Variants in NAA35 observed in about 807,000 individuals in gnomAD.
NAA35 encodes the protein N-alpha-acetyltransferase 35, NatC auxiliary subunit.
In NAA35, 18 loss-of-function variants were observed where a neutral mutation model predicts 101.7. That is an observed-to-expected ratio of 0.18 (90% CI 0.12 to 0.26). The LOEUF is 0.26. Among genes scored for constraint, NAA35 ranks in the 10% least tolerant of loss-of-function variants. The probability of loss-of-function intolerance (pLI) is 1.00; values close to 1 mark genes in which losing one functional copy is unlikely to be tolerated. For missense variants in NAA35, 601 were observed against 886.8 expected, an observed-to-expected ratio of 0.68 and a Z score of 4.09; for synonymous variants, 267 against 273.1, an observed-to-expected ratio of 0.98 and a Z score of 0.22.
intron 11 of NAA35, among the ~76,000 whole-genome samples, chr9:85,985,793 T>C (rs915281968): frequency 1.3e-5 from 2 of 152,182 alleles, no homozygotes; most frequent in African/African-American, 4.8e-5. Context: ...ACTAGAGAAA[T>C]GATTTCAGAC....
In NAA35 at chr9:85,955,000, C is replaced by G. The variant is rs372969293; in HGVS notation, c.125-1360C>G. Among the ~76,000 whole-genome samples the G allele has an allele frequency of 1.3e-3, 192 of 152,122 alleles. 4 individuals carry two copies. In the South Asian group the frequency reaches 0.034, roughly 27 times the overall value. On this transcript the variant is annotated intron_variant, in intron 2 of 22. Coordinates refer to ENST00000361671, the MANE Select transcript of NAA35 (RefSeq NM_024635.4). ...TGGCACAATCTCGGCTCACTGCAACCTCTGCCTCCCGGGTTTAAGTGATTC... is the reference window on the plus strand; with the variant it reads ...TGGCACAATCTCGGCTCACTGCAACGTCTGCCTCCCGGGTTTAAGTGATTC...
chr9:85,941,905 C>A (rs942028514), intron 1 of NAA35: 3 of 1,196,326 alleles, frequency 2.5e-6, no homozygotes, highest in Non-Finnish European at 2.1e-6. Context: ...TCTTCTTAAA[C>A]AGTAGGAAGG....
In NAA35 at chr9:86,007,038, A is replaced by G. The variant is rs181761065; in HGVS notation, c.1117-320A>G. 1.5e-3 allele frequency among the ~76,000 whole-genome samples: 226 copies of G among 152,326 alleles called. 2 individuals are homozygous for G. The highest frequency in any genetic ancestry group is 5.2e-3 in the African/African-American group (217 of 41,580). On this transcript the variant is annotated intron_variant, in intron 13 of 22. Coordinates refer to ENST00000361671, the MANE Select transcript of NAA35 (RefSeq NM_024635.4). ...CAAATAACATGTATAGCCATTTACT[A>G]TTTCATAGTTTATGAAGCATTTTTT...
In NAA35 at chr9:85,978,376, A is replaced by G; in HGVS notation, c.872A>G (p.Lys291Arg). The G allele has an allele frequency of 1.3e-6, 2 of 1,588,846 alleles. No homozygotes were observed. Among genetic ancestry groups the G allele is most frequent in the Non-Finnish European group, 1.7e-6 (2 of 1,157,248 alleles). The part of the protein sequence containing the change: ...HGIQAQNDTT[K>R]GDHPIMMGFE... ...ATCCAGGCCCAGAATGATACTACAA[A>G]AGGAGGTAATTGTTCAATTTGCTCC... The change falls in exon 11 of 23, where the codon AAA (lysine) becomes AGA (arginine). Residue 291 changes from lysine to arginine, a missense_variant. By Grantham distance (26) the Lys-to-Arg change is conservative. Around this residue, in one of 8 missense-constraint regions of NAA35, gnomAD observed 190 missense variants for 223.1 expected, o/e 0.85. Coordinates refer to ENST00000361671, the MANE Select transcript of NAA35 (RefSeq NM_024635.4).
At chr9:86,000,199 T>C (rs1046718267) in intron 12 of NAA35, among the ~76,000 whole-genome samples, 2 of 152,198 alleles carry the variant, frequency 1.3e-5, no homozygotes, top group African/African-American at 4.8e-5. Context: ...GAATCACATT[T>C]ATTGATTTTT....
At chr9:85,959,554 G>A (rs533913507) in intron 4 of NAA35, among the ~76,000 whole-genome samples, 11 of 151,872 alleles carry the variant, frequency 7.2e-5, no homozygotes, top group Non-Finnish European at 1.5e-4. Flanking sequence ...GAAGACCTAA[G>A]ATATATTGTT....
At chr9:85,969,553 G>A (rs953599659) in intron 6 of NAA35, among the ~76,000 whole-genome samples, 4 of 152,118 alleles carry the variant, frequency 2.6e-5, no homozygotes, top group Non-Finnish European at 2.9e-5. Context: ...GCATGCAAAC[G>A]TGCTTTATAT....
intron 11 of NAA35, among the ~76,000 whole-genome samples, chr9:85,979,251 T>A (rs528060361): frequency 2.9e-4 from 44 of 152,336 alleles, no homozygotes; most frequent in Non-Finnish European, 5.6e-4. Context: ...TACTGCTGTG[T>A]CCGGTTTCCA....
intron 12 of NAA35, among the ~76,000 whole-genome samples, chr9:85,998,619 A>G (rs956649812): frequency 2.6e-5 from 4 of 152,136 alleles, no homozygotes; most frequent in African/African-American, 9.7e-5. Context: ...ACATTCAGAG[A>G]TGGAGCTTTT....
In NAA35 at chr9:86,016,662, GA is replaced by G. The variant is rs770577267; in HGVS notation, c.1700del (p.Lys567ArgfsTer6). Reference sequence around the variant, plus strand: ...AAGGCCGTAGTAGTAAAAAAACAAAGAAAAAAAAGAAAGGTGCTGTGGATTA... The same window carrying G: ...AAGGCCGTAGTAGTAAAAAAACAAAGAAAAAAAGAAAGGTGCTGTGGATTA... ...QKGRSSKKTK[K>X]KKKVRPLSRE... On this transcript the variant is annotated frameshift_variant, in exon 18 of 23. Transcript: ENST00000361671. LOFTEE classifies it high-confidence loss of function. 1.2e-6 allele frequency: 2 copies of G among 1,608,970 alleles called. No homozygotes were observed. Among genetic ancestry groups the G allele is most frequent in the Non-Finnish European group, 8.5e-7 (1 of 1,178,708 alleles).
At chr9:86,019,385 C>T (rs1358525970) in intron 21 of NAA35, among the ~76,000 whole-genome samples, 1 of 152,116 alleles carries the variant, frequency 6.6e-6, no homozygotes, top group African/African-American at 2.4e-5. Flanking sequence ...CATTTGAACC[C>T]GGGAGGCGGA....
In NAA35 at chr9:86,025,293, T is replaced by G. The variant is rs1183894158; in HGVS notation, c.*3333T>G. Among the ~76,000 whole-genome samples the G allele has an allele frequency of 6.6e-6, 1 of 152,070 alleles. No homozygotes were observed. Among genetic ancestry groups the G allele is most frequent in the Non-Finnish European group, 1.5e-5 (1 of 68,018 alleles). On this transcript the variant is annotated 3_prime_UTR_variant, in exon 23 of 23. Transcript: ENST00000361671. ...CCCATTGAACTTGGCAAGTAAAGAT[T>G]GCTGGCGACTGGGGCGAGCTCTTTC...
chr9:85,984,515 A>C (rs1201258256), intron 11 of NAA35, among the ~76,000 whole-genome samples: 2 of 152,184 alleles, frequency 1.3e-5, no homozygotes, highest in Non-Finnish European at 2.9e-5. Context: ...ATCCTAAGAG[A>C]AAAGAGGCAA....
At chr9:86,007,601 T>G (rs1831705236) in intron 14 of NAA35, 137 bp downstream of exon 14, 1 of 567,750 alleles carries the variant, frequency 1.8e-6, no homozygotes, top group African/African-American at 1.9e-5. Context: ...AGTGTTAAAA[T>G]TAATTGATCT....
chr9:85,961,967 G>C (rs1587577847), intron 5 of NAA35, 46 bp from the exon 6 acceptor site: 1 of 1,486,728 alleles, frequency 6.7e-7, no homozygotes, highest in South Asian at 1.4e-5. Context: ...AGACTTTGCA[G>C]ACTCAGTTTA....
At chr9:86,015,769 CAT>C (rs925224893) in intron 17 of NAA35, 6 of 973,726 alleles carry the variant, frequency 6.2e-6, no homozygotes, top group Non-Finnish European at 7.3e-6. Context: ...CCCCTTCACT[CAT>C]GTGTCCTTAG....
intron 2 of NAA35, among the ~76,000 whole-genome samples, chr9:85,953,313 C>G (rs1490326818): frequency 6.6e-6 from 1 of 151,770 alleles, no homozygotes; most frequent in African/African-American, 2.4e-5. Context: ...AGCATCACCA[C>G]CATTCATATC....
In NAA35 at chr9:85,971,731, C is replaced by T. The variant is rs189866114; in HGVS notation, c.517-3236C>T. The stretch of plus-strand genomic sequence containing the variant: ...TCCCAGGAAATGGTACCATCACCTG[C>T]TTAGACCAAAACCCTAAAAATGAGG... On this transcript the variant is annotated intron_variant, in intron 6 of 22. Coordinates refer to ENST00000361671, the MANE Select transcript of NAA35 (RefSeq NM_024635.4). Among the ~76,000 whole-genome samples, 438 of 152,284 alleles carry T rather than the reference C, an allele frequency of 2.9e-3. 2 individuals are homozygous for T. Among genetic ancestry groups the T allele is most frequent in the African/African-American group, 9.8e-3 (409 of 41,562 alleles).
In NAA35 at chr9:86,013,054, T is replaced by C. The variant is rs769593258; in HGVS notation, c.1299T>C (p.Cys433=). 6.4e-7 allele frequency: 1 copy of C among 1,560,410 alleles called. No homozygotes were observed. Among genetic ancestry groups the C allele is most frequent in the Non-Finnish European group, 8.7e-7 (1 of 1,145,186 alleles). Reference sequence around the variant, plus strand: ...TTATATGTGTATTGCAGCCATTCTGTAGTCTTATTCAGATCCATGGACATA... The same window carrying C: ...TTATATGTGTATTGCAGCCATTCTGCAGTCTTATTCAGATCCATGGACATA... ...SFVTHCVRPF[C]SLIQIHGHNR... Residue 433 remains cysteine (C), a synonymous_variant, in exon 16 of 23, where the codon TGT becomes TGC. Coordinates refer to ENST00000361671, the MANE Select transcript of NAA35 (RefSeq NM_024635.4).
Sources: allele counts gnomAD v4.1 joint callset (sites outside exome capture counted in the v4.1 genomes callset), GRCh38; gene constraint gnomAD v4.1.1; regional missense constraint gnomAD v4.1.1; transcripts MANE v1.5; gene names NCBI Gene and HGNC (gene_info 2026-07-23, HGNC 2026-07-21).